The following GDF6 variants were observed in gnomAD, a reference collection of about 807,000 sequenced individuals.
The protein encoded by GDF6 is growth/differentiation factor 6.
A neutral mutation model predicts 32.4 loss-of-function variants in GDF6; 3 were observed. That is an observed-to-expected ratio of 0.09 (90% CI 0.04 to 0.24). GDF6 has a LOEUF of 0.24. Ranked by LOEUF, GDF6 falls within the 10% of genes least tolerant of loss-of-function variation. The pLI, the probability that GDF6 is intolerant of heterozygous loss-of-function variation, is 1.00. For missense variants in GDF6, 589 were observed against 637.9 expected, an observed-to-expected ratio of 0.92 and a Z score of 0.83; for synonymous variants, 296 against 295.3, an observed-to-expected ratio of 1.00 and a Z score of -0.03.
intron 1 of GDF6, among the ~76,000 whole-genome samples, chr8:96,159,782 G>A (rs1038712210): frequency 6.6e-6 from 1 of 152,234 alleles, no homozygotes; most frequent in Non-Finnish European, 1.5e-5. Flanking sequence ...GGGGCTGCCC[G>A]ACGCCGCTCG....
In GDF6 at chr8:96,145,240, A is replaced by G; in HGVS notation, c.691T>C (p.Leu231=). 6.6e-7 allele frequency: 1 copy of G among 1,523,264 alleles called. No homozygotes were observed. Among genetic ancestry groups the G allele is most frequent in the Non-Finnish European group, 8.8e-7 (1 of 1,141,704 alleles). The allele number at this position is 1,523,264 out of a possible 1,614,324, so 94.4% of individuals were successfully genotyped here. A position where few individuals can be genotyped will look rare whatever the true frequency, so the allele number is the denominator to read the frequency against. Residue 231 remains leucine, a synonymous_variant, in exon 2 of 2, where the codon TTG becomes CTG. Transcript: ENST00000287020. The surrounding 1 kb of genome is among the most constrained non-coding windows in gnomAD (Gnocchi z 5.6). The part of the protein sequence containing the change: ...LRHQPWKQLC[L]ELRAAWGELD... The stretch of plus-strand genomic sequence containing the variant: ...TCGCCCCATGCGGCCCGCAGCTCCA[A>G]GCACAGCTGCTTCCAGGGCTGGTGG...
In GDF6 at chr8:96,153,002, G is replaced by C. The variant is rs553229612; in HGVS notation, c.406+7285C>G. Among the ~76,000 whole-genome samples, 12 of 152,302 alleles carry C rather than the reference G, an allele frequency of 7.9e-5. No individual in the cohort carries two copies. The South Asian group carries it at 2.5e-3, about 32-fold the overall frequency. On this transcript the variant is annotated intron_variant, in intron 1 of 1. Coordinates refer to ENST00000287020, the MANE Select transcript of GDF6 (RefSeq NM_001001557.4). The stretch of plus-strand genomic sequence containing the variant: ...GAGAGTGGAGAGAAAGAAAAGAAAG[G>C]AGATCCTCGAATCCCACCCAACTGA...
At chr8:96,152,820 C>A (rs1812590658) in intron 1 of GDF6, among the ~76,000 whole-genome samples, 1 of 152,208 alleles carries the variant, frequency 6.6e-6, no homozygotes, top group Non-Finnish European at 1.5e-5. Flanking sequence ...CTTTTCCACT[C>A]TTTCCCTCAG....
At chr8:96,152,475 C>T (rs888173091) in intron 1 of GDF6, among the ~76,000 whole-genome samples, 6 of 152,160 alleles carry the variant, frequency 3.9e-5, no homozygotes, top group Admixed American at 2.6e-4. Context: ...TGTGGGGGCA[C>T]GATCTGACCA....
Position 96,148,546 on chromosome 8 carries a change from C to T in GDF6, c.407-3022G>A, listed in dbSNP as rs193222116. On this transcript the variant is annotated intron_variant, in intron 1 of 1. Transcript: ENST00000287020. The stretch of plus-strand genomic sequence containing the variant: ...TCGCTCTAGAGGCTTGTGGTAGGGT[C>T]TAGAATTTGTATTTCTAGTAAGCTC... Among the ~76,000 whole-genome samples, 4 of 152,308 alleles carry T rather than the reference C, an allele frequency of 2.6e-5. No homozygotes were observed. The East Asian group carries it at 7.7e-4, about 29-fold the overall frequency.
chr8:96,155,209 C>G (rs1238293865), intron 1 of GDF6, among the ~76,000 whole-genome samples: 2 of 152,256 alleles, frequency 1.3e-5, no homozygotes, highest in Non-Finnish European at 2.9e-5. Flanking sequence ...ACGCTATGTC[C>G]GTCTCAGATT....
At position 96,142,367 on chromosome 8, in the gene GDF6, C is replaced by T. The variant is rs887097556; in HGVS notation, c.*2196G>A. 2 of 152,058 alleles carry T rather than the reference C, an allele frequency of 1.3e-5. No individual in the cohort carries two copies. Among genetic ancestry groups the T allele is most frequent in the Admixed American group, 6.5e-5 (1 of 15,276 alleles). The allele number at this position is 152,058 out of a possible 1,614,324, so 9.4% of individuals were successfully genotyped here. ...AAAATGCGTTTAATAATATAGCATT[C>T]GATTGCATATCATCCAGGAAAGGTG... On this transcript the variant is annotated 3_prime_UTR_variant, in exon 2 of 2. Coordinates refer to ENST00000287020, the MANE Select transcript of GDF6 (RefSeq NM_001001557.4).
intron 1 of GDF6, among the ~76,000 whole-genome samples, chr8:96,155,071 G>C (rs899464987): frequency 6.6e-6 from 1 of 152,210 alleles, no homozygotes; most frequent in African/African-American, 2.4e-5. Context: ...TCTGTGGTCT[G>C]AGTGACTTTT....
chr8:96,160,421 C>A lies in GDF6; in HGVS notation c.272G>T (p.Arg91Leu). The change falls in exon 1 of 2, where the codon CGC (arginine) becomes CTC (leucine). Residue 91 changes from arginine (R) to leucine (L), a missense_variant. Transcript: ENST00000287020. ...CAGCATGTACTCGTGGGGCACCACG[C>A]GCGGACCCCTGCCTGGCGGCTCCTG... ...RAQEPPGRGP[R>L]VVPHEYMLSI... 6.2e-7 allele frequency: 1 copy of A among 1,614,116 alleles called. No homozygotes were observed. The highest frequency in any genetic ancestry group is 8.5e-7 in the Non-Finnish European group (1 of 1,179,976).
chr8:96,153,688 G>T (rs1812608803), intron 1 of GDF6, among the ~76,000 whole-genome samples: 2 of 152,178 alleles, frequency 1.3e-5, no homozygotes. Context: ...GTAGAAGGAA[G>T]GGTGTTCATT....
intron 1 of GDF6, among the ~76,000 whole-genome samples, chr8:96,153,305 A>C (rs1812601210): frequency 6.6e-6 from 1 of 152,240 alleles, no homozygotes; most frequent in South Asian, 2.1e-4. Flanking sequence ...CAAAGCTGAG[A>C]TCAAGGGCAC....
In GDF6 at chr8:96,144,379, G is replaced by C; in HGVS notation, c.*184C>G. The C allele has an allele frequency of 1.5e-6, 1 of 658,102 alleles. No homozygotes were observed. Among genetic ancestry groups the C allele is most frequent in the Middle Eastern group, 4.2e-4 (1 of 2,382 alleles). The allele number at this position is 658,102 out of a possible 1,614,324, so 40.8% of individuals were successfully genotyped here. On this transcript the variant is annotated 3_prime_UTR_variant, in exon 2 of 2. Coordinates refer to ENST00000287020, the MANE Select transcript of GDF6 (RefSeq NM_001001557.4). This position sits in a 1 kb window ranked among gnomAD's most constrained non-coding sequence, Gnocchi z 5.1. Reference sequence around the variant, plus strand: ...ATCCATATTTCCCTCTGGGCTGGCAGGTAGAAGTTACTGGGAAGGCTGCGC... The same window carrying C: ...ATCCATATTTCCCTCTGGGCTGGCACGTAGAAGTTACTGGGAAGGCTGCGC...
rs10569146 is a variant in GDF6, at chr8:96,156,377, C to CCT, written c.406+3908_406+3909dup. On this transcript the variant is annotated intron_variant, in intron 1 of 1. Transcript: ENST00000287020. Reference sequence around the variant, plus strand: ...CAGTCTCTTTCTCTCTCTCTCTTTCCCTCTCTCTCTCTCTCTCTCTCTCTC... The same window carrying CCT: ...CAGTCTCTTTCTCTCTCTCTCTTTCCCTCTCTCTCTCTCTCTCTCTCTCTCTC... Among the ~76,000 whole-genome samples the CCT allele has an allele frequency of 3.8e-3, 541 of 140,864 alleles. 2 individuals are homozygous for CCT. Among genetic ancestry groups the CCT allele is most frequent in the Admixed American group, 5.6e-3 (79 of 14,126 alleles). The allele number at this position is 140,864 out of a possible 152,430, so 92.4% of individuals were successfully genotyped here. A position where few individuals can be genotyped will look rare whatever the true frequency, so the allele number is the denominator to read the frequency against.
intron 1 of GDF6, among the ~76,000 whole-genome samples, chr8:96,158,416 C>T (rs2130234029): frequency 6.6e-6 from 1 of 152,346 alleles, no homozygotes; most frequent in Middle Eastern, 3.4e-3. Flanking sequence ...GTCTGAATGC[C>T]ACAGGCTTCC....
At chr8:96,155,080 T>C (rs1563512735) in intron 1 of GDF6, among the ~76,000 whole-genome samples, 1 of 152,172 alleles carries the variant, frequency 6.6e-6, no homozygotes, top group Non-Finnish European at 1.5e-5. Context: ...TGAGTGACTT[T>C]TTTCTTTTAA....
In GDF6 at chr8:96,142,420, T is replaced by C. The variant is rs1474025280; in HGVS notation, c.*2143A>G. 2.0e-5 allele frequency: 3 copies of C among 152,230 alleles called. No homozygotes were observed. Among genetic ancestry groups the C allele is most frequent in the Non-Finnish European group, 4.4e-5 (3 of 68,038 alleles). The allele number at this position is 152,230 out of a possible 1,614,324, so 9.4% of individuals were successfully genotyped here. A position where few individuals can be genotyped will look rare whatever the true frequency, so the allele number is the denominator to read the frequency against. ...CTGTAAAAAATGTTTTGATTATTCA[T>C]TGACCTCTGGTAACTTTAGCGTTGT... On this transcript the variant is annotated 3_prime_UTR_variant, in exon 2 of 2. Transcript: ENST00000287020.
intron 1 of GDF6, among the ~76,000 whole-genome samples, chr8:96,159,709 G>C (rs1273554415): frequency 6.6e-6 from 1 of 152,246 alleles, no homozygotes; most frequent in African/African-American, 2.4e-5. Context: ...CAGGGCTCCA[G>C]CCCGGCTGAC....
In GDF6 at chr8:96,160,562, C is replaced by G; in HGVS notation, c.131G>C (p.Arg44Pro). 6.2e-7 allele frequency: 1 copy of G among 1,613,620 alleles called. No individual in the cohort carries two copies. Among genetic ancestry groups the G allele is most frequent in the South Asian group, 1.1e-5 (1 of 91,088 alleles). ...SAELGSTKGM[R>P]SRKEGKMQRA... ...CTGCATCTTGCCTTCCTTGCGGCTTCGCATGCCCTTGGTGGAACCCAGCTC... is the reference window on the plus strand; with the variant it reads ...CTGCATCTTGCCTTCCTTGCGGCTTGGCATGCCCTTGGTGGAACCCAGCTC... Residue 44 changes from arginine to proline, a missense_variant, in exon 1 of 2, where the codon CGA becomes CCA. This residue lies in a region of GDF6 where 436 missense variants were observed against 411.2 expected (regional missense o/e 1.06). Transcript: ENST00000287020.
At chr8:96,158,561 G>A (rs1202165624) in intron 1 of GDF6, among the ~76,000 whole-genome samples, 1 of 152,182 alleles carries the variant, frequency 6.6e-6, no homozygotes, top group African/African-American at 2.4e-5. Context: ...AAGAAAATCC[G>A]CGCCCAACCG....
Sources: allele counts gnomAD v4.1 joint callset (sites outside exome capture counted in the v4.1 genomes callset), GRCh38; gene constraint gnomAD v4.1.1; regional missense constraint gnomAD v4.1.1; non-coding constraint Gnocchi (gnomAD v3.1); transcripts MANE v1.5; gene names NCBI Gene and HGNC (gene_info 2026-07-23, HGNC 2026-07-21).